The following ENO4 variants were observed in gnomAD, a reference collection of about 807,000 sequenced individuals.
ENO4 encodes enolase 4, also known as 2-phospho-D-glycerate hydro-lyase.
In ENO4, 53 loss-of-function variants were observed where a neutral mutation model predicts 63.2. The ratio of observed to expected loss-of-function variants is 0.84; its 90% CI spans 0.67 to 1.05. The LOEUF (loss-of-function observed/expected upper bound fraction) is 1.05. Ranked by LOEUF, ENO4 falls within the 50% of genes least tolerant of loss-of-function variation. The pLI is 0.00. For missense variants in ENO4, 719 were observed against 772.0 expected (o/e 0.93, Z 0.81); for synonymous variants, 266 against 283.8 (o/e 0.94, Z 0.63).
chr10:116,903,440 G>A (rs1847828593), intron 10 of ENO4, among the ~76,000 whole-genome samples: 1 of 151,948 alleles, frequency 6.6e-6, no homozygotes, highest in South Asian at 2.1e-4. Flanking sequence ...CAAGAGAATC[G>A]CTTGAACTCA....
intron 7 of ENO4, among the ~76,000 whole-genome samples, chr10:116,864,706 C>G (rs1307720302): frequency 6.6e-6 from 1 of 152,018 alleles, no homozygotes; most frequent in Non-Finnish European, 1.5e-5. Context: ...GTGTGGCCTT[C>G]CAGCCTTTTT....
At chr10:116,858,908 G>A (rs1846339169) in intron 3 of ENO4, 82 bp from the exon 4 acceptor site, 2 of 758,694 alleles carry the variant, frequency 2.6e-6, no homozygotes, top group African/African-American at 1.8e-5. Flanking sequence ...AAATATATGG[G>A]GTCATCTCTA....
At position 116,849,710 on chromosome 10, in the gene ENO4, T is replaced by A. The variant is rs1483851855; in HGVS notation, c.144T>A (p.Pro48=). The A allele has an allele frequency of 4.6e-6, 7 of 1,533,692 alleles. No individual in the cohort carries two copies. Among genetic ancestry groups the A allele is most frequent in the Non-Finnish European group, 4.4e-6 (5 of 1,138,404 alleles). The change falls in exon 1 of 14, where the codon CCT becomes CCA. Residue 48 remains proline (P), a synonymous_variant. Transcript: ENST00000341276. ...TCAACTCCACCTTCTACCTCCAGCC[T>A]GCCGACGTCTACGGGCACCTGGTAG... The part of the protein sequence containing the change: ...ELLNSTFYLQ[P]ADVYGHLANC...
downstream of ENO4, chr10:116,885,803 T>G (rs1021354714): frequency 1.3e-5 from 2 of 154,272 alleles, no homozygotes; most frequent in Non-Finnish European, 2.9e-5. Flanking sequence ...ACGAGTTTGA[T>G]GCCAGCTCCT....
At chr10:116,883,193 A>G (rs777320667), downstream of ENO4, 5 of 152,162 alleles carry the variant, frequency 3.3e-5, no homozygotes, top group Non-Finnish European at 7.3e-5. Flanking sequence ...GCACTCACCA[A>G]TGGATAATTA....
intron 11 of ENO4, among the ~76,000 whole-genome samples, chr10:116,878,776 T>A (rs1376887017): frequency 2.1e-5 from 3 of 145,190 alleles, no homozygotes; most frequent in Non-Finnish European, 3.0e-5. Context: ...GGAGTCTTGC[T>A]CTGTCGCCCA....
intron 10 of ENO4, among the ~76,000 whole-genome samples, chr10:116,902,559 G>C (rs990573198): frequency 3.3e-5 from 5 of 152,062 alleles, no homozygotes; most frequent in African/African-American, 1.2e-4. Context: ...TTTAGGACAG[G>C]ATTTAAAAAC....
rs180992135 is a variant in ENO4 at position 116,888,211 on chromosome 10, T to C, written c.1194+8225T>C. 1.1e-4 allele frequency among the ~76,000 whole-genome samples: 17 copies of C among 152,328 alleles called. No homozygotes were observed. In the East Asian group the frequency reaches 3.1e-3, roughly 28 times the overall value. On this transcript the variant is annotated intron_variant, in intron 10 of 10. Transcript: ENST00000369207. ...TTGCCTGATTATGGCACCATGACAT[T>C]GTCCATCTACCTTGGCCAAGGAACT... is the stretch of plus-strand genomic sequence containing the variant.
downstream of ENO4, among the ~76,000 whole-genome samples, chr10:116,912,029 CA>C (rs1410043136): frequency 2.0e-5 from 3 of 152,146 alleles, no homozygotes; most frequent in African/African-American, 7.2e-5. Flanking sequence ...TTTCAAGTAG[CA>C]GTTAAACAAA....
intron 10 of ENO4, among the ~76,000 whole-genome samples, chr10:116,890,550 G>A (rs564909768): frequency 1.3e-5 from 2 of 152,152 alleles, no homozygotes; most frequent in East Asian, 1.9e-4. Context: ...TATTTTTCAC[G>A]GGTCATATTA....
chr10:116,862,762 C>T, intron 6 of ENO4, 37 bp from the exon 7 acceptor site: 1 of 1,515,700 alleles, frequency 6.6e-7, no homozygotes, highest in South Asian at 1.2e-5. Flanking sequence ...ATTTTCTAGT[C>T]TGCAACTGTG....
chr10:116,861,704 T>C (rs1173156858), intron 6 of ENO4, among the ~76,000 whole-genome samples: 1 of 152,194 alleles, frequency 6.6e-6, no homozygotes, highest in African/African-American at 2.4e-5. Context: ...AGAGTCAATA[T>C]GCCTCTTTAA....
At chr10:116,853,408 C>T (rs117403895) in intron 1 of ENO4, among the ~76,000 whole-genome samples, 1 of 151,674 alleles carries the variant, frequency 6.6e-6, no homozygotes, top group Non-Finnish European at 1.5e-5. Flanking sequence ...GAGATGATAT[C>T]ACATAGCTTA....
intron 10 of ENO4, chr10:116,900,993 A>T: frequency 1.0e-6 from 1 of 985,428 alleles, no homozygotes; most frequent in South Asian, 4.7e-5. Flanking sequence ...TAGAGTTACA[A>T]AAAAGGGGTT....
intron 11 of ENO4, among the ~76,000 whole-genome samples, chr10:116,877,540 C>A (rs146658144): frequency 1.3e-3 from 203 of 152,144 alleles, no homozygotes; most frequent in African/African-American, 4.7e-3. Flanking sequence ...AGTACAGAGA[C>A]CTGAGGCAAG....
chr10:116,881,470 G>A, intron 13 of ENO4, 45 bp from the exon 14 acceptor site: 1 of 1,421,514 alleles, frequency 7.0e-7, no homozygotes, highest in Non-Finnish European at 9.4e-7. Flanking sequence ...TATAAAAACT[G>A]GCACCATTGG....
chr10:116,853,025 G>T (rs1423495195), intron 1 of ENO4, among the ~76,000 whole-genome samples: 3 of 152,174 alleles, frequency 2.0e-5, no homozygotes, highest in Non-Finnish European at 2.9e-5. Flanking sequence ...GCCGGGCGCG[G>T]TGGCTCACGC....
chr10:116,849,827 C>T, intron 1 of ENO4, 96 bp downstream of exon 1: 8 of 1,364,984 alleles, frequency 5.9e-6, no homozygotes, highest in South Asian at 1.4e-5. Context: ...GCCTCAGAAT[C>T]TCGCATGCCA....
At chr10:116,859,225 T>C in intron 4 of ENO4, 87 bp downstream of exon 4, 3 of 1,399,864 alleles carry the variant, frequency 2.1e-6, no homozygotes, top group Non-Finnish European at 2.8e-6. Flanking sequence ...TCTGAGTCTC[T>C]TGGCTACAGG....
Sources: allele counts gnomAD v4.1 joint callset (sites outside exome capture counted in the v4.1 genomes callset), GRCh38; gene constraint gnomAD v4.1.1; transcripts MANE v1.5; gene names NCBI Gene and HGNC (gene_info 2026-07-23, HGNC 2026-07-21).